NYAP2: variants seen among roughly 807,000 people sequenced by gnomAD.
NYAP2 encodes the protein neuronal tyrosine-phosphorylated phosphoinositide-3-kinase adapter 2.
Under a neutral mutation model 50.4 loss-of-function variants are expected in NYAP2, and 23 were observed. That is an observed-to-expected ratio of 0.46 (90% CI 0.33 to 0.65). The LOEUF is 0.65. Ranked by LOEUF, NYAP2 falls within the 30% of genes least tolerant of loss-of-function variation. The pLI is 0.02. For missense variants in NYAP2, 885 were observed against 861.0 expected (o/e 1.03, Z -0.35); for synonymous variants, 394 against 365.2 (o/e 1.08, Z -0.90).
chr2:225,522,604 A>G (rs1445916505), intron 4 of NYAP2, among the ~76,000 whole-genome samples: 1 of 152,146 alleles, frequency 6.6e-6, no homozygotes, highest in Non-Finnish European at 1.5e-5. Context: ...GTCATTTCTC[A>G]TGCCTCCATT....
intron 3 of NYAP2, among the ~76,000 whole-genome samples, chr2:225,430,458 A>G (rs1175947645): frequency 6.6e-6 from 1 of 152,208 alleles, no homozygotes; most frequent in South Asian, 2.1e-4. Context: ...AAAGTGATCT[A>G]TTCATGTATC....
chr2:225,613,300 AC>A (rs1237461683), intron 5 of NYAP2, among the ~76,000 whole-genome samples: 1 of 152,104 alleles, frequency 6.6e-6, no homozygotes, highest in African/African-American at 2.4e-5. Context: ...AAGCACCCAG[AC>A]CAGAGAAAGA....
intron 4 of NYAP2, among the ~76,000 whole-genome samples, chr2:225,525,371 T>C (rs1010907081): frequency 2.0e-5 from 3 of 152,142 alleles, no homozygotes; most frequent in Non-Finnish European, 4.4e-5. Flanking sequence ...TCAACCTAAG[T>C]GTCCATCAAT....
At chr2:225,503,482 G>A (rs1201546466) in intron 3 of NYAP2, among the ~76,000 whole-genome samples, 1 of 152,090 alleles carries the variant, frequency 6.6e-6, no homozygotes, top group African/African-American at 2.4e-5. Context: ...GTCTCTTAAA[G>A]ATGTTCCATA....
chr2:225,461,387 A>G (rs1296966203), intron 3 of NYAP2, among the ~76,000 whole-genome samples: 1 of 152,254 alleles, frequency 6.6e-6, no homozygotes, highest in Non-Finnish European at 1.5e-5. Context: ...GTAAAGTGGC[A>G]GTTGAACACT....
chr2:225,480,280 A>G (rs75654127), intron 3 of NYAP2, among the ~76,000 whole-genome samples: 1 of 152,134 alleles, frequency 6.6e-6, no homozygotes, highest in Non-Finnish European at 1.5e-5. Flanking sequence ...AAAGAAAAAA[A>G]TGATCTCCTC....
intron 3 of NYAP2, among the ~76,000 whole-genome samples, chr2:225,507,348 T>C (rs772146096): frequency 2.0e-5 from 3 of 152,194 alleles, no homozygotes; most frequent in Non-Finnish European, 4.4e-5. Context: ...GGTTTTGTTT[T>C]TGTCTTCGAA....
intron 4 of NYAP2, among the ~76,000 whole-genome samples, chr2:225,566,774 C>G (rs1288944262): frequency 6.6e-6 from 1 of 152,156 alleles, no homozygotes; most frequent in African/African-American, 2.4e-5. Flanking sequence ...TTTAATAGCT[C>G]AGCAATCCCT....
At chr2:225,428,234 G>T (rs1316778088) in intron 3 of NYAP2, among the ~76,000 whole-genome samples, 1 of 152,120 alleles carries the variant, frequency 6.6e-6, no homozygotes, top group Non-Finnish European at 1.5e-5. Context: ...TTTTGTCCCA[G>T]TCATAGTTGA....
At chr2:225,570,347 G>T (rs1238480331) in intron 4 of NYAP2, among the ~76,000 whole-genome samples, 1 of 152,146 alleles carries the variant, frequency 6.6e-6, no homozygotes. Context: ...ATCCCACTTT[G>T]CTCTTTTTCT....
At chr2:225,476,124 T>A (rs1374884718) in intron 3 of NYAP2, among the ~76,000 whole-genome samples, 1 of 152,094 alleles carries the variant, frequency 6.6e-6, no homozygotes, top group Non-Finnish European at 1.5e-5. Context: ...TCTAAAAAAA[T>A]TTTTACTGAC....
intron 5 of NYAP2, among the ~76,000 whole-genome samples, chr2:225,604,394 T>A (rs1336101929): frequency 6.6e-6 from 1 of 152,140 alleles, no homozygotes; most frequent in Non-Finnish European, 1.5e-5. Flanking sequence ...TGGGGCTCAA[T>A]AACTATTTGC....
chr2:225,529,473 G>A (rs2106196094), intron 4 of NYAP2, among the ~76,000 whole-genome samples: 1 of 151,990 alleles, frequency 6.6e-6, no homozygotes, highest in Non-Finnish European at 1.5e-5. Context: ...TTACAGACAT[G>A]AGCCACCACG....
At chr2:225,538,830 CTTT>C (rs768995856) in intron 4 of NYAP2, among the ~76,000 whole-genome samples, 41 of 69,036 alleles carry the variant, frequency 5.9e-4, no homozygotes, top group Admixed American at 2.4e-3. Context: ...TTCTTTCTTT[CTTT>C]CTTTCTTTCT....
Position 225,621,521 on chromosome 2 carries a change from T to C in NYAP2, c.1619-5396T>C, listed in dbSNP as rs138651971. Among the ~76,000 whole-genome samples the C allele has an allele frequency of 3.0e-4, 45 of 152,238 alleles. No individual in the cohort carries two copies. The East Asian group carries it at 8.3e-3, about 28-fold the overall frequency. On this transcript the variant is annotated intron_variant, in intron 5 of 6. Coordinates refer to ENST00000636099, the Ensembl canonical transcript of NYAP2. ...ATTAAGTAGGTACAGACCTTCAGTT[T>C]TGCCAGACAAAAAGAGCCCTGCAGA...
At chr2:225,467,968 T>C (rs1689948177) in intron 3 of NYAP2, among the ~76,000 whole-genome samples, 1 of 152,136 alleles carries the variant, frequency 6.6e-6, no homozygotes, top group African/African-American at 2.4e-5. Context: ...TTCAAGCCTA[T>C]GAGAGTTCAA....
At chr2:225,448,277 A>G (rs2106145722) in intron 3 of NYAP2, among the ~76,000 whole-genome samples, 1 of 152,312 alleles carries the variant, frequency 6.6e-6, no homozygotes, top group East Asian at 1.9e-4. Context: ...ATAGTCATCA[A>G]TAACTATTAC....
intron 3 of NYAP2, among the ~76,000 whole-genome samples, chr2:225,498,656 G>A (rs1254575251): frequency 6.6e-6 from 1 of 151,822 alleles, no homozygotes; most frequent in Non-Finnish European, 1.5e-5. Flanking sequence ...TTTAGTAGCT[G>A]GGACCAAAAG....
At chr2:225,470,202 C>G in intron 3 of NYAP2, among the ~76,000 whole-genome samples, 1 of 152,094 alleles carries the variant, frequency 6.6e-6, no homozygotes, top group East Asian at 1.9e-4. Context: ...TTATTTGTGA[C>G]CTGATTTTTT....
Sources: gnomAD v4.1 joint callset for allele counts (sites outside exome capture counted in the v4.1 genomes callset) on GRCh38, gnomAD v4.1.1 for gene constraint, MANE v1.5 for transcripts, NCBI Gene and HGNC (gene_info 2026-07-23, HGNC 2026-07-21) for gene names.